PREX2: variants seen among roughly 807,000 people sequenced by gnomAD.
PREX2 encodes the protein phosphatidylinositol 3,4,5-trisphosphate-dependent Rac exchanger 2 protein.
Under a neutral mutation model 203.2 loss-of-function variants are expected in PREX2, and 107 were observed. The observed-to-expected ratio is 0.53, with a 90% CI of 0.45 to 0.62. PREX2 has a LOEUF of 0.62. Ranked by LOEUF, PREX2 falls within the 20% of genes least tolerant of loss-of-function variation. The probability of loss-of-function intolerance (pLI) is 0.00; values close to 1 mark genes in which losing one functional copy is unlikely to be tolerated. For missense variants in PREX2, 1,777 were observed against 1,955.9 expected (o/e 0.91, Z 1.72); for synonymous variants, 672 against 663.6 (o/e 1.01, Z -0.19).
chr8:67,958,926 C>T (rs1805559594), intron 1 of PREX2, among the ~76,000 whole-genome samples: 1 of 152,124 alleles, frequency 6.6e-6, no homozygotes, highest in Non-Finnish European at 1.5e-5. Context: ...ACAAATACTA[C>T]TATGATTTTT....
intron 35 of PREX2, among the ~76,000 whole-genome samples, chr8:68,164,377 C>T (rs11774776): frequency 1.3e-5 from 2 of 151,036 alleles, no homozygotes; most frequent in Non-Finnish European, 1.5e-5. Flanking sequence ...CACACACACA[C>T]ATATATATAC....
intron 14 of PREX2, among the ~76,000 whole-genome samples, chr8:68,074,265 G>A (rs575710275): frequency 7.9e-5 from 12 of 151,830 alleles, no homozygotes; most frequent in African/African-American, 1.7e-4. Context: ...ACGCCCAGCC[G>A]CAATTTTTTT....
rs374512944 is a variant in PREX2 at position 68,224,656 on chromosome 8, C to A, written c.4775+30C>A. On this transcript the variant is annotated intron_variant, in intron 39 of 39. Transcript: ENST00000288368. ...GTGCATCCCCTGCTCTGCCCTTGCC[C>A]GAAAGATTTGCCAGCATTTTCCCCG... is the stretch of plus-strand genomic sequence containing the variant. 14 of 1,571,390 alleles carry A rather than the reference C, an allele frequency of 8.9e-6. No individual in the cohort carries two copies. In the African/African-American group the frequency reaches 1.8e-4, roughly 20 times the overall value.
chr8:68,100,773 GT>G (rs1563545664), intron 23 of PREX2, among the ~76,000 whole-genome samples: 1 of 152,166 alleles, frequency 6.6e-6, no homozygotes. Context: ...CAGTTGGAAG[GT>G]TTTAAGCAGG....
chr8:68,054,450 T>G (rs1808617029), intron 9 of PREX2, among the ~76,000 whole-genome samples: 1 of 152,130 alleles, frequency 6.6e-6, no homozygotes, highest in Non-Finnish European at 1.5e-5. Context: ...ATATTTATCT[T>G]TATTAGACTG....
intron 11 of PREX2, among the ~76,000 whole-genome samples, chr8:68,066,091 A>C (rs1348326963): frequency 6.6e-6 from 1 of 152,142 alleles, no homozygotes; most frequent in Non-Finnish European, 1.5e-5. Context: ...GGAATACATT[A>C]TATCATATTT....
At chr8:68,083,429 C>A in intron 18 of PREX2, 41 bp downstream of exon 18, 1 of 1,445,134 alleles carries the variant, frequency 6.9e-7, no homozygotes. Flanking sequence ...AAAAGTTATA[C>A]ATAGATAAGT....
intron 20 of PREX2, among the ~76,000 whole-genome samples, chr8:68,091,315 A>T (rs2129612240): frequency 6.7e-6 from 1 of 149,800 alleles, no homozygotes; most frequent in Middle Eastern, 3.4e-3. Context: ...CAAGTGCCAC[A>T]AAAAACTAAA....
intron 6 of PREX2, among the ~76,000 whole-genome samples, 191 bp downstream of exon 6, chr8:68,030,849 T>C (rs942931589): frequency 1.1e-4 from 17 of 152,160 alleles, no homozygotes; most frequent in Admixed American, 1.1e-3. Flanking sequence ...GTTAATTGAG[T>C]TAACCTTGAC....
intron 1 of PREX2, among the ~76,000 whole-genome samples, chr8:67,984,408 C>G (rs1271644200): frequency 6.6e-6 from 1 of 152,144 alleles, no homozygotes; most frequent in Non-Finnish European, 1.5e-5. Flanking sequence ...CACTTTATCA[C>G]TTAATGTTTT....
intron 1 of PREX2, among the ~76,000 whole-genome samples, chr8:67,974,942 TG>T (rs1288037087): frequency 2.6e-5 from 4 of 152,212 alleles, no homozygotes; most frequent in African/African-American, 9.6e-5. Flanking sequence ...TGCTGCATCC[TG>T]ACTGTGGTGA....
intron 14 of PREX2, among the ~76,000 whole-genome samples, chr8:68,075,472 C>T (rs896238590): frequency 6.6e-6 from 1 of 152,150 alleles, no homozygotes; most frequent in African/African-American, 2.4e-5. Context: ...AGCGTCATCA[C>T]CCCCAGGAAG....
intron 1 of PREX2, among the ~76,000 whole-genome samples, chr8:67,959,367 C>T (rs915777992): frequency 7.9e-5 from 12 of 151,858 alleles, no homozygotes; most frequent in African/African-American, 1.2e-4. Context: ...AGTTGAGACA[C>T]GAGTGGAAGC....
chr8:68,069,259 CA>C (rs754463429), intron 12 of PREX2, 123 bp downstream of exon 12: 10 of 583,982 alleles, frequency 1.7e-5, no homozygotes, highest in African/African-American at 4.0e-5. Context: ...ACTATATATA[CA>C]AGCAAGCCTC....
At chr8:68,097,313 C>A in intron 22 of PREX2, 112 bp downstream of exon 22, 1 of 804,692 alleles carries the variant, frequency 1.2e-6, no homozygotes, top group Non-Finnish European at 1.8e-6. Flanking sequence ...CAGCTGTCAG[C>A]TCATTCAAAC....
At chr8:68,105,450 A>C (rs1810381994) in intron 23 of PREX2, 1 of 1,198,630 alleles carries the variant, frequency 8.3e-7, no homozygotes, top group South Asian at 1.6e-5. Context: ...CTGTATTCAC[A>C]GGCATTTGTA....
chr8:68,192,525 G>C lies in PREX2; in HGVS notation c.4604G>C (p.Arg1535Pro). 6.2e-7 allele frequency: 1 copy of C among 1,604,448 alleles called. No homozygotes were observed. Among genetic ancestry groups the C allele is most frequent in the South Asian group, 1.1e-5 (1 of 90,116 alleles). ...ATCATGTGCAGCAGCGGTGTGCATC[G>C]GTATGTGACCCTCCCGCCTTGCTTG... The part of the protein sequence containing the change: ...HIIMCSSGVH[R>P]CTLSVTLEQA... Residue 1535 changes from arginine to proline, a missense_variant and splice_region_variant, in exon 37 of 40, where the codon CGG (arginine) becomes CCG (proline). Arg to Pro is a moderately radical substitution (Grantham distance 103). Coordinates refer to ENST00000288368, the MANE Select transcript of PREX2 (RefSeq NM_024870.4).
intron 1 of PREX2, among the ~76,000 whole-genome samples, chr8:68,014,390 A>G (rs928657200): frequency 1.3e-5 from 2 of 152,230 alleles, no homozygotes; most frequent in South Asian, 2.1e-4. Context: ...TGTTAGGGGA[A>G]TGCTGGTGAG....
intron 35 of PREX2, among the ~76,000 whole-genome samples, chr8:68,161,017 C>G (rs1027058006): frequency 8.5e-5 from 13 of 152,270 alleles, no homozygotes; most frequent in African/African-American, 2.6e-4. Flanking sequence ...CAATCTTAAT[C>G]AGCTTTGACC....
Sources: allele counts gnomAD v4.1 joint callset (sites outside exome capture counted in the v4.1 genomes callset), GRCh38; gene constraint gnomAD v4.1.1; transcripts MANE v1.5; gene names NCBI Gene and HGNC (gene_info 2026-07-23, HGNC 2026-07-21).